Variants in MSH5 observed in about 807,000 individuals in gnomAD.
MSH5 encodes the protein mutS homolog 5, also known as mutS protein homolog 5.
Under a neutral mutation model 107.7 loss-of-function variants are expected in MSH5, and 78 were observed. The observed-to-expected ratio is 0.72, with a 90% confidence interval of 0.60 to 0.87. The LOEUF is 0.87. MSH5 is among the 40% of genes least tolerant of loss of function. The probability of loss-of-function intolerance (pLI) is 0.00; values close to 1 mark genes in which losing one functional copy is unlikely to be tolerated. For missense variants in MSH5, 889 were observed against 1,046.6 expected (o/e 0.85, Z 2.08); for synonymous variants, 326 against 399.5 (o/e 0.82, Z 2.19).
intron 10 of MSH5, among the ~76,000 whole-genome samples, chr6:31,749,375 C>T (rs1562229934): frequency 6.6e-6 from 1 of 152,064 alleles, no homozygotes; most frequent in Non-Finnish European, 1.5e-5. Flanking sequence ...AACTTCACGT[C>T]TACCGAAAAT....
chr6:31,757,236 C>G (rs1264970983), intron 12 of MSH5, among the ~76,000 whole-genome samples: 2 of 151,948 alleles, frequency 1.3e-5, no homozygotes, highest in African/African-American at 4.8e-5. Flanking sequence ...GCTCTGCCTC[C>G]CGGGTTCGCG....
At position 31,741,212 on chromosome 6, in the gene MSH5, A is replaced by G. The variant is rs758885613; in HGVS notation, c.197A>G (p.Tyr66Cys). 2.9e-5 allele frequency: 47 copies of G among 1,612,734 alleles called. No individual in the cohort carries two copies. The highest frequency in any genetic ancestry group is 4.5e-5 in the East Asian group (2 of 44,890). ...TCAGGATACTTGGGCATTGCCTACT[A>G]TGATACTAGTGACTCCACTATCCAC... ...WNSGYLGIAY[Y>C]DTSDSTIHFM... Residue 66 changes from tyrosine (Y) to cysteine (C), a missense_variant, in exon 3 of 25, where the codon TAT becomes TGT. By Grantham distance (194) the Tyr-to-Cys change is radical. Transcript: ENST00000375750.
intron 6 of MSH5, 45 bp downstream of exon 6, chr6:31,744,070 G>A (rs1232888472): frequency 5.6e-6 from 9 of 1,611,608 alleles, no homozygotes; most frequent in Middle Eastern, 1.7e-4. Flanking sequence ...CGGCACAAGT[G>A]CTAGGGCTGA....
In MSH5 at chr6:31,742,835, C is replaced by G. The variant is rs28381354; in HGVS notation, c.272-42C>G. On this transcript the variant is annotated intron_variant, in intron 3 of 24. Coordinates refer to ENST00000375750, the MANE Select transcript of MSH5 (RefSeq NM_172166.4). The stretch of plus-strand genomic sequence containing the variant: ...CTATGGGTTTTCTCTTAGTCAAAGA[C>G]AAAGATCCTTTAACTCATTTGATCT... 3.9e-4 allele frequency: 619 copies of G among 1,594,412 alleles called. 1 individual carries two copies. The highest frequency in any genetic ancestry group is 5.0e-4 in the Non-Finnish European group (581 of 1,163,400).
In MSH5 at chr6:31,740,243, G is replaced by C. The variant is rs1364855442; in HGVS notation, c.-14+181G>C. ...AGGGTAACCTCCGCGTGACAGGAAT[G>C]AGGGTGGGGCGCGTGGAGTTTCCCA... On this transcript the variant is annotated intron_variant, in intron 1 of 24. Transcript: ENST00000375750. This position sits in a 1 kb window ranked among gnomAD's most constrained non-coding sequence, Gnocchi z 4.4. 2.0e-6 allele frequency: 1 copy of C among 493,478 alleles called. No individual in the cohort carries two copies. 30.6% of individuals were successfully genotyped at this position (493,478 alleles called of 1,614,324 possible). A position where few individuals can be genotyped will look rare whatever the true frequency, so the allele number is the denominator to read the frequency against.
chr6:31,747,540 C>G, intron 10 of MSH5, 108 bp downstream of exon 10: 1 of 1,144,970 alleles, frequency 8.7e-7, no homozygotes, highest in Non-Finnish European at 1.3e-6. Flanking sequence ...CACCACCCCA[C>G]CTAGTAGTAG....
chr6:31,759,227 A>C lies in MSH5; in HGVS notation c.1407+50A>C. The C allele has an allele frequency of 6.5e-7, 1 of 1,537,330 alleles. No individual in the cohort carries two copies. The highest frequency in any genetic ancestry group is 9.0e-7 in the Non-Finnish European group (1 of 1,111,972). ...TGAGTGATGAGGAAAATGAGTCAGC[A>C]GCTGAGGAAGAGCGTTACTCTACAG... On this transcript the variant is annotated intron_variant, in intron 16 of 24. Coordinates refer to ENST00000375750, the MANE Select transcript of MSH5 (RefSeq NM_172166.4). The surrounding 1 kb of genome is among the most constrained non-coding windows in gnomAD (Gnocchi z 4.7).
chr6:31,759,839 G>C lies in MSH5; in HGVS notation c.1549G>C (p.Ala517Pro), dbSNP rs761693917. The C allele has an allele frequency of 5.6e-6, 9 of 1,614,026 alleles. No individual in the cohort carries two copies. The highest frequency in any genetic ancestry group is 5.9e-6 in the Non-Finnish European group (7 of 1,180,038). The change falls in exon 18 of 25, where the codon GCT (alanine) becomes CCT (proline). Residue 517 changes from alanine (A) to proline (P), a missense_variant. Physicochemically the swap from Ala to Pro is conservative, Grantham distance 27 (BLOSUM62 -1). Coordinates refer to ENST00000375750, the MANE Select transcript of MSH5 (RefSeq NM_172166.4). This position sits in a 1 kb window ranked among gnomAD's most constrained non-coding sequence, Gnocchi z 4.7. ...ACAGTGCCAGGTGCTGGCACGAGCA[G>C]CTGTCTTAACCCGAGTATTGGACCT... The part of the protein sequence containing the change: ...QLQCQVLARA[A>P]VLTRVLDLAS...
At chr6:31,741,048 G>A in intron 2 of MSH5, 115 bp from the exon 3 acceptor site, 1 of 1,313,734 alleles carries the variant, frequency 7.6e-7, no homozygotes, top group Non-Finnish European at 1.0e-6. Flanking sequence ...CACTAAATGG[G>A]GGTGATGATG....
At chr6:31,743,207 C>G (rs966422439) in intron 5 of MSH5, 37 bp downstream of exon 5, 12 of 1,597,552 alleles carry the variant, frequency 7.5e-6, no homozygotes, top group Non-Finnish European at 1.0e-5. Flanking sequence ...ACTCCCTGTT[C>G]CGGTGTCCCA....
intron 10 of MSH5, among the ~76,000 whole-genome samples, chr6:31,751,917 A>G (rs1279816568): frequency 6.6e-6 from 1 of 150,706 alleles, no homozygotes; most frequent in East Asian, 2.0e-4. Flanking sequence ...TGGCCAACAC[A>G]GCGAAACCCT....
chr6:31,744,406 C>T (rs1809218691), intron 7 of MSH5, 107 bp downstream of exon 7: 1 of 1,539,878 alleles, frequency 6.5e-7, no homozygotes, highest in South Asian at 1.1e-5. Flanking sequence ...GGGTCAAGTG[C>T]TCTAGGACAC....
At chr6:31,741,125 G>A (rs757465160) in intron 2 of MSH5, 38 bp from the exon 3 acceptor site, 1 of 1,609,564 alleles carries the variant, frequency 6.2e-7, no homozygotes, top group Non-Finnish European at 8.5e-7. Flanking sequence ...ACTTATGAGT[G>A]ATTCTAATAG....
At chr6:31,755,518 A>T (rs1198563923) in intron 12 of MSH5, among the ~76,000 whole-genome samples, 1 of 151,990 alleles carries the variant, frequency 6.6e-6, no homozygotes, top group Non-Finnish European at 1.5e-5. Flanking sequence ...GCGTGCCACC[A>T]CGCCCAGCTA....
chr6:31,760,857 G>A lies in MSH5; in HGVS notation c.1962+18G>A. 1 of 1,608,722 alleles carries A rather than the reference G, an allele frequency of 6.2e-7. No homozygotes were observed. The highest frequency in any genetic ancestry group is 8.5e-7 in the Non-Finnish European group (1 of 1,177,092). Reference sequence around the variant, plus strand: ...TCAACCAGGTCAAAGGGAACAAAGGGAGGTGGGATTGAGGAAGGGGATAAT... The same window carrying A: ...TCAACCAGGTCAAAGGGAACAAAGGAAGGTGGGATTGAGGAAGGGGATAAT... On this transcript the variant is annotated intron_variant, in intron 20 of 24. Transcript: ENST00000375750. The surrounding 1 kb of genome is among the most constrained non-coding windows in gnomAD (Gnocchi z 5.6).
chr6:31,761,740 C>A lies in MSH5; in HGVS notation c.2182-78C>A, dbSNP rs886682118. ...AGACCACATCCCTTCCCTTTTCTCC[C>A]TCCCCACAGGATTGGCCAAGGGTTT... On this transcript the variant is annotated intron_variant, in intron 22 of 24. Transcript: ENST00000375750. The surrounding 1 kb of genome is among the most constrained non-coding windows in gnomAD (Gnocchi z 5.3). 4.3e-6 allele frequency: 7 copies of A among 1,612,338 alleles called. No homozygotes were observed. In the Admixed American group the frequency reaches 5.0e-5, roughly 12 times the overall value.
chr6:31,743,777 T>G, intron 5 of MSH5, 127 bp from the exon 6 acceptor site: 1 of 1,374,926 alleles, frequency 7.3e-7, no homozygotes, highest in Non-Finnish European at 9.9e-7. Context: ...GCTCTAGCTT[T>G]CCATTAACTG....
chr6:31,761,385 A>G lies in MSH5; in HGVS notation c.2038-87A>G. The G allele has an allele frequency of 6.2e-7, 1 of 1,604,890 alleles. No homozygotes were observed. The highest frequency in any genetic ancestry group is 8.5e-7 in the Non-Finnish European group (1 of 1,174,732). On this transcript the variant is annotated intron_variant, in intron 21 of 24. Transcript: ENST00000375750. This position sits in a 1 kb window ranked among gnomAD's most constrained non-coding sequence, Gnocchi z 5.3. ...GGCTGTGTGGGCAGAAAAGAAATAG[A>G]ACACGAGACAGGGAAAGGCAGTGCA...
intron 24 of MSH5, 49 bp from the exon 25 acceptor site, chr6:31,762,371 T>C: frequency 7.0e-7 from 1 of 1,432,382 alleles, no homozygotes; most frequent in Admixed American, 1.7e-5. Context: ...TGCCCAGGGA[T>C]TTGGTTGTCC....
Sources: gnomAD v4.1 joint callset for allele counts (sites outside exome capture counted in the v4.1 genomes callset) on GRCh38, gnomAD v4.1.1 for gene constraint, Gnocchi (gnomAD v3.1) non-coding constraint, MANE v1.5 for transcripts, NCBI Gene and HGNC (gene_info 2026-07-23, HGNC 2026-07-21) for gene names.